Variants in INPP5K observed in about 807,000 individuals in gnomAD.
INPP5K encodes inositol polyphosphate-5-phosphatase K.
Under a neutral mutation model 53.5 loss-of-function variants are expected in INPP5K, and 35 were observed. The observed-to-expected ratio is 0.65, with a 90% confidence interval of 0.50 to 0.87. The LOEUF (loss-of-function observed/expected upper bound fraction) is 0.87. Ranked by LOEUF, INPP5K falls within the 40% of genes least tolerant of loss-of-function variation. The pLI is 0.00. For synonymous variants in INPP5K, 253 were observed against 232.8 expected, an observed-to-expected ratio of 1.09 and a Z score of -0.79; for missense variants, 550 against 586.2, an observed-to-expected ratio of 0.94 and a Z score of 0.64.
intron 3 of INPP5K, among the ~76,000 whole-genome samples, chr17:1,513,171 A>G (rs1262345811): frequency 6.6e-6 from 1 of 152,176 alleles, no homozygotes; most frequent in African/African-American, 2.4e-5. Flanking sequence ...AGCGGCCAGC[A>G]CTGAGGTGAT....
intron 7 of INPP5K, among the ~76,000 whole-genome samples, chr17:1,503,286 C>G (rs1215088314): frequency 6.6e-6 from 1 of 151,054 alleles, no homozygotes; most frequent in African/African-American, 2.4e-5. Context: ...TGGGTTCACG[C>G]CATTCTCCTG....
rs2074909283 is a variant in INPP5K at position 1,498,114 on chromosome 17, T to C, written c.785A>G (p.Lys262Arg). ...NSNDYDTSEKKRKPAWTDRIL... is the reference protein window; with the variant it reads ...NSNDYDTSEKRRKPAWTDRIL... ...GCGATCGGTCCATGCAGGCTTGCGTTTTTTCTCACTGCAGGGGCAGGGGGC... is the reference window on the plus strand; with the variant it reads ...GCGATCGGTCCATGCAGGCTTGCGTCTTTTCTCACTGCAGGGGCAGGGGGC... Residue 262 changes from lysine (K) to arginine (R), a missense_variant, in exon 8 of 12, where the codon AAA becomes AGA. Lys to Arg is a conservative substitution (Grantham distance 26). Transcript: ENST00000421807. 2 of 1,599,530 alleles carry C rather than the reference T, an allele frequency of 1.3e-6. No individual in the cohort carries two copies. Among genetic ancestry groups the C allele is most frequent in the Non-Finnish European group, 1.7e-6 (2 of 1,169,626 alleles).
intron 3 of INPP5K, among the ~76,000 whole-genome samples, chr17:1,512,875 A>G (rs1354540470): frequency 6.6e-6 from 1 of 152,202 alleles, no homozygotes; most frequent in Non-Finnish European, 1.5e-5. Flanking sequence ...TGTCAGTCTT[A>G]GAGTTCACCA....
chr17:1,516,575 G>A lies in INPP5K; in HGVS notation c.-76C>T. The A allele has an allele frequency of 3.5e-6, 5 of 1,446,516 alleles. No homozygotes were observed. Among genetic ancestry groups the A allele is most frequent in the Non-Finnish European group, 3.6e-6 (4 of 1,107,660 alleles). 89.6% of individuals were successfully genotyped at this position (1,446,516 alleles called of 1,614,324 possible). On this transcript the variant is annotated 5_prime_UTR_variant, in exon 1 of 12. Transcript: ENST00000421807. ...AGCGGGTCCCGGCCAGAGCAGCCCT[G>A]CGGGCGGCCGGTCTCACGCGCCTAG...
At chr17:1,496,426 A>G in intron 9 of INPP5K, 24 bp from the exon 10 acceptor site, 1 of 1,543,530 alleles carries the variant, frequency 6.5e-7, no homozygotes, top group Non-Finnish European at 8.8e-7. Context: ...TCAGGCCATC[A>G]GTGGTCAGGG....
Position 1,513,579 on chromosome 17 carries a change from G to A in INPP5K, c.153-18C>T. On this transcript the variant is annotated intron_variant, in intron 2 of 11. Coordinates refer to ENST00000421807, the MANE Select transcript of INPP5K (RefSeq NM_016532.4). ...CCTGCAAACTGACCATGCCAGCTCA[G>A]AGGCTTGGCCCCTGGCCTCCAGGCT... 6.2e-7 allele frequency: 1 copy of A among 1,606,122 alleles called. No homozygotes were observed. The highest frequency in any genetic ancestry group is 8.5e-7 in the Non-Finnish European group (1 of 1,172,622).
Position 1,497,975 on chromosome 17 carries a change from G to T in INPP5K, c.924C>A (p.Ile308=). 1.2e-6 allele frequency: 2 copies of T among 1,614,118 alleles called. No individual in the cohort carries two copies. Among genetic ancestry groups the T allele is most frequent in the Non-Finnish European group, 1.7e-6 (2 of 1,179,992 alleles). ...RGYSSHMTYG[I]SDHKPVSGTF... ...TGCCGGAGACAGGCTTGTGGTCGCT[G>T]ATGCCGTACGTCATGTGGCTGCTGT... Residue 308 remains isoleucine, a synonymous_variant, in exon 8 of 12, where the codon ATC becomes ATA. Transcript: ENST00000421807.
chr17:1,509,112 C>CGTGGGGGTTA, intron 5 of INPP5K, 66 bp downstream of exon 5: 1 of 1,308,622 alleles, frequency 7.6e-7, no homozygotes. Flanking sequence ...CAGGCTCACT[C>CGTGGGGGTTA]GTGGGGGTTA....
intron 7 of INPP5K, among the ~76,000 whole-genome samples, chr17:1,504,212 A>G (rs948715464): frequency 6.6e-6 from 1 of 152,188 alleles, no homozygotes; most frequent in African/African-American, 2.4e-5. Context: ...CTGGGCAATC[A>G]CAGTACAGTA....
Position 1,497,953 on chromosome 17 carries a change from C to T in INPP5K, c.946G>A (p.Gly316Ser), listed in dbSNP as rs554246916. The T allele has an allele frequency of 1.7e-5, 27 of 1,613,320 alleles. No homozygotes were observed. Among genetic ancestry groups the T allele is most frequent in the African/African-American group, 1.3e-4 (10 of 75,012 alleles). The change falls in exon 8 of 12, where the codon GGC becomes AGC. Residue 316 changes from glycine (G) to serine (S), a missense_variant. Coordinates refer to ENST00000421807, the MANE Select transcript of INPP5K (RefSeq NM_016532.4). Reference sequence around the variant, plus strand: ...AAGTTCACCTCCAAGTCGAACGTGCCGGAGACAGGCTTGTGGTCGCTGATG... The same window carrying T: ...AAGTTCACCTCCAAGTCGAACGTGCTGGAGACAGGCTTGTGGTCGCTGATG... ...YGISDHKPVS[G>S]TFDLELKPLV...
chr17:1,499,913 G>A (rs1369358101), intron 7 of INPP5K, among the ~76,000 whole-genome samples: 1 of 152,152 alleles, frequency 6.6e-6, no homozygotes, highest in Non-Finnish European at 1.5e-5. Context: ...TTGATCGATC[G>A]ACAGGTCTCA....
At chr17:1,506,949 T>C (rs1405494128) in intron 7 of INPP5K, 31 bp downstream of exon 7, 1 of 1,503,408 alleles carries the variant, frequency 6.7e-7, no homozygotes, top group Admixed American at 1.7e-5. Context: ...CCTGACTTCC[T>C]AGACCTTCTG....
chr17:1,506,136 G>C (rs2150986623), intron 7 of INPP5K, among the ~76,000 whole-genome samples: 1 of 152,226 alleles, frequency 6.6e-6, no homozygotes, highest in Non-Finnish European at 1.5e-5. Flanking sequence ...CAATTCTCCT[G>C]CCTCAGCTTC....
At chr17:1,510,788 G>C (rs573288647) in intron 3 of INPP5K, among the ~76,000 whole-genome samples, 1 of 152,022 alleles carries the variant, frequency 6.6e-6, no homozygotes, top group Non-Finnish European at 1.5e-5. Context: ...CAACATGCCC[G>C]GCTATTTTTG....
At chr17:1,507,120 A>C (rs1264673134) in intron 6 of INPP5K, 31 bp from the exon 7 acceptor site, 3 of 1,570,604 alleles carry the variant, frequency 1.9e-6, no homozygotes, top group Admixed American at 1.7e-5. Flanking sequence ...CCCGTCTCCC[A>C]GTAGTCTCGA....
At chr17:1,501,925 C>T (rs571093039) in intron 7 of INPP5K, among the ~76,000 whole-genome samples, 1 of 151,748 alleles carries the variant, frequency 6.6e-6, no homozygotes, top group East Asian at 1.9e-4. Context: ...ACCCCAGCTA[C>T]TCAGGAGGCT....
intron 7 of INPP5K, among the ~76,000 whole-genome samples, chr17:1,505,371 C>T (rs12947949): frequency 7.9e-5 from 12 of 152,284 alleles, no homozygotes; most frequent in Non-Finnish European, 1.8e-4. Context: ...AGCACCCCCT[C>T]CCCACCCAAG....
rs1181547017 is a variant in INPP5K, at chr17:1,509,046, C to A, written c.554+132G>T. ...GAGGGCGGGGAACAGTCTGCAGACC[C>A]AGGCTCACTCGTGGGGGTCAGCGTG... On this transcript the variant is annotated intron_variant, in intron 5 of 11. Coordinates refer to ENST00000421807, the MANE Select transcript of INPP5K (RefSeq NM_016532.4). The A allele has an allele frequency of 3.7e-6, 3 of 804,404 alleles. No individual in the cohort carries two copies. In the East Asian group the frequency reaches 8.3e-5, roughly 22 times the overall value. The allele number at this position is 804,404 out of a possible 1,614,324, so 49.8% of individuals were successfully genotyped here.
At chr17:1,506,862 G>A (rs1445451962) in intron 7 of INPP5K, 118 bp downstream of exon 7, 30 of 690,226 alleles carry the variant, frequency 4.3e-5, no homozygotes, top group Non-Finnish European at 7.1e-5. Context: ...CTCTGGAGAG[G>A]GGATGACTAG....
Sources: allele counts gnomAD v4.1 joint callset (sites outside exome capture counted in the v4.1 genomes callset), GRCh38; gene constraint gnomAD v4.1.1; transcripts MANE v1.5; gene names NCBI Gene and HGNC (gene_info 2026-07-23, HGNC 2026-07-21).